DCTN1: variants seen among roughly 807,000 people sequenced by gnomAD.
DCTN1 encodes 150 kDa dynein-associated polypeptide.
In DCTN1, 61 loss-of-function variants were observed where a neutral mutation model predicts 161.2. The ratio of observed to expected loss-of-function variants is 0.38; its 90% CI spans 0.31 to 0.47. DCTN1 has a LOEUF of 0.47. Ranked by LOEUF, DCTN1 falls within the 20% of genes least tolerant of loss-of-function variation. The probability of loss-of-function intolerance (pLI) is 0.99; values close to 1 mark genes in which losing one functional copy is unlikely to be tolerated. For synonymous variants in DCTN1, 653 were observed against 632.4 expected, an observed-to-expected ratio of 1.03 and a Z score of -0.49; for missense variants, 1,404 against 1,623.7, an observed-to-expected ratio of 0.86 and a Z score of 2.33.
chr2:74,384,551 A>C (rs1051177767), upstream of DCTN1, among the ~76,000 whole-genome samples: 2 of 152,220 alleles, frequency 1.3e-5, no homozygotes, highest in Admixed American at 6.5e-5. Flanking sequence ...GATAAATAAT[A>C]ATCTCTGTGT....
chr2:74,365,733 T>C (rs555227230), intron 24 of DCTN1, 76 bp from the exon 25 acceptor site: 4 of 1,612,722 alleles, frequency 2.5e-6, no homozygotes, highest in African/African-American at 2.7e-5. Flanking sequence ...GACCATGAGA[T>C]AGTAGGTTCC....
rs759829174 is a variant in DCTN1, at chr2:74,369,611, G to C, written c.1393-120C>G. On this transcript the variant is annotated intron_variant, in intron 13 of 31. Coordinates refer to ENST00000628224, the MANE Select transcript of DCTN1 (RefSeq NM_004082.5). This position sits in a 1 kb window ranked among gnomAD's most constrained non-coding sequence, Gnocchi z 4.9. ...GCAGGCGGATCATGAGGTCGAGATC[G>C]AGATCATGCTGGCCAACATGGTGAA... is the stretch of plus-strand genomic sequence containing the variant. 9.6e-7 allele frequency: 1 copy of C among 1,036,574 alleles called. No homozygotes were observed. Among genetic ancestry groups the C allele is most frequent in the South Asian group, 1.3e-5 (1 of 78,816 alleles). 64.2% of individuals were successfully genotyped at this position (1,036,574 alleles called of 1,614,324 possible). A position where few individuals can be genotyped will look rare whatever the true frequency, so the allele number is the denominator to read the frequency against.
intron 3 of DCTN1, 87 bp downstream of exon 3, chr2:74,377,561 G>A: frequency 6.6e-7 from 1 of 1,523,618 alleles, no homozygotes; most frequent in Non-Finnish European, 9.1e-7. Context: ...AAAAATCTTA[G>A]GATCTACTGT....
At chr2:74,368,642 T>TTCA in intron 16 of DCTN1, 86 bp downstream of exon 16, 1 of 1,586,020 alleles carries the variant, frequency 6.3e-7, no homozygotes, top group Middle Eastern at 1.7e-4. Context: ...GGGCAGAGAC[T>TTCA]CTGTTGTCTT....
At position 74,369,024 on chromosome 2, in the gene DCTN1, C is replaced by G; in HGVS notation, c.1701+74G>C. On this transcript the variant is annotated intron_variant, in intron 15 of 31. Transcript: ENST00000628224. This position sits in a 1 kb window ranked among gnomAD's most constrained non-coding sequence, Gnocchi z 4.9. ...CCACCACACAAAGCACCCCTTCCCCCAGGAATCTGAAGCCCAGACCCCATA... is the reference window on the plus strand; with the variant it reads ...CCACCACACAAAGCACCCCTTCCCCGAGGAATCTGAAGCCCAGACCCCATA... 2 of 1,569,748 alleles carry G rather than the reference C, an allele frequency of 1.3e-6. No homozygotes were observed. The highest frequency in any genetic ancestry group is 1.7e-6 in the Non-Finnish European group (2 of 1,145,896).
chr2:74,382,418 G>A (rs1348376444), upstream of DCTN1, among the ~76,000 whole-genome samples: 2 of 151,836 alleles, frequency 1.3e-5, no homozygotes, highest in Non-Finnish European at 2.9e-5. Context: ...TGGCTGACAT[G>A]GTGAAACCCT....
At chr2:74,391,551 C>T in intron 1 of DCTN1, 1 of 328,108 alleles carries the variant, frequency 3.0e-6, no homozygotes, top group Non-Finnish European at 6.0e-6. Flanking sequence ...CCTTGCAGTT[C>T]TGGAGGAACT....
chr2:74,368,469 C>T, intron 16 of DCTN1: 1 of 631,954 alleles, frequency 1.6e-6, no homozygotes, highest in Non-Finnish European at 2.7e-6. Flanking sequence ...ACCTCCTGGC[C>T]CTCAGACAAT....
chr2:74,388,338 C>T (rs1422130790), intron 1 of DCTN1, among the ~76,000 whole-genome samples: 1 of 152,208 alleles, frequency 6.6e-6, no homozygotes, highest in East Asian at 1.9e-4. Context: ...TGAATAGCCA[C>T]TGCACTCCAG....
chr2:74,379,405 A>C (rs1009411677), intron 1 of DCTN1, among the ~76,000 whole-genome samples: 2 of 152,144 alleles, frequency 1.3e-5, no homozygotes, highest in Admixed American at 6.5e-5. Context: ...ATCACTGCCT[A>C]ATTCCCTTCC....
At chr2:74,361,825 G>A (rs1026382046) in intron 31 of DCTN1, among the ~76,000 whole-genome samples, 189 bp from the exon 32 acceptor site, 1 of 152,154 alleles carries the variant, frequency 6.6e-6, no homozygotes, top group Non-Finnish European at 1.5e-5. Context: ...GAGTTTTGAG[G>A]CCCTCCTGGT....
chr2:74,366,133 T>C, intron 23 of DCTN1, 111 bp downstream of exon 23: 1 of 1,610,336 alleles, frequency 6.2e-7, no homozygotes, highest in Non-Finnish European at 8.5e-7. Context: ...GGCAGGATGG[T>C]GCTCTCCAGA....
chr2:74,363,745 T>C lies in DCTN1; in HGVS notation c.3197-117A>G, dbSNP rs865841273. 8.3e-6 allele frequency: 11 copies of C among 1,330,468 alleles called. No individual in the cohort carries two copies. In the South Asian group the frequency reaches 9.9e-5, roughly 12 times the overall value. 82.4% of individuals were successfully genotyped at this position (1,330,468 alleles called of 1,614,324 possible). On this transcript the variant is annotated intron_variant, in intron 26 of 31. Coordinates refer to ENST00000628224, the MANE Select transcript of DCTN1 (RefSeq NM_004082.5). ...GACACAACCTGCAGGAAAACCCTTT[T>C]CCTAATCATCATACTTTCTCTAACA... is the stretch of plus-strand genomic sequence containing the variant.
intron 7 of DCTN1, chr2:74,372,153 A>G (rs953832008): frequency 8.9e-6 from 2 of 224,076 alleles, no homozygotes; most frequent in African/African-American, 4.6e-5. Flanking sequence ...CTCCAGGTCT[A>G]TGCCCTCCAC....
At chr2:74,377,582 T>C in intron 3 of DCTN1, 66 bp downstream of exon 3, 2 of 1,526,952 alleles carry the variant, frequency 1.3e-6, no homozygotes, top group East Asian at 2.2e-5. Context: ...GGCCCCATGT[T>C]ATGAGGAGAA....
intron 4 of DCTN1, 27 bp downstream of exon 4, chr2:74,377,405 C>G (rs750795083): frequency 2.5e-6 from 4 of 1,601,228 alleles, no homozygotes; most frequent in Non-Finnish European, 3.4e-6. Context: ...CTTTATTATT[C>G]CCCATTCCCA....
At position 74,363,400 on chromosome 2, in the gene DCTN1, G is replaced by A. The variant is rs1674167034; in HGVS notation, c.3239C>T (p.Ser1080Phe). The A allele has an allele frequency of 6.2e-7, 1 of 1,612,416 alleles. No individual in the cohort carries two copies. Among genetic ancestry groups the A allele is most frequent in the African/African-American group, 1.3e-5 (1 of 74,874 alleles). ...CTTCACCAGCCCTGGGCCTGGCACA[G>A]ACCCTGGAGCCTGCCCAGGGATGGC... ...RGAIPGQAPG[S>F]VPGPGLVKDS... Residue 1080 changes from serine (S) to phenylalanine (F), a missense_variant, in exon 28 of 32, where the codon TCT becomes TTT. By Grantham distance (155) the Ser-to-Phe change is radical (BLOSUM62 -2). Transcript: ENST00000628224.
rs565062477 is a variant in DCTN1 at position 74,375,143 on chromosome 2, A to G, written c.415-803T>C. ...GGCTTCAGCTCTGAGGAGCACACAC[A>G]GTGACTACGAAACCCTGCGGAACAC... On this transcript the variant is annotated intron_variant, in intron 5 of 31. Coordinates refer to ENST00000628224, the MANE Select transcript of DCTN1 (RefSeq NM_004082.5). Among the ~76,000 whole-genome samples, 97 of 152,330 alleles carry G rather than the reference A, an allele frequency of 6.4e-4. 1 individual carries two copies. Among genetic ancestry groups the G allele is most frequent in the African/African-American group, 2.3e-3 (94 of 41,570 alleles).
chr2:74,362,112 C>T lies in DCTN1; in HGVS notation c.3639G>A (p.Gln1213=). ...CAGTGGGTACTGTGGCTCCAGGGCG[C>T]TGAGATACTGTCTCCTTGAGGACCT... ...KDEVLKETVS[Q]RPGATVPTDF... is the part of the protein sequence containing the mutation. The change falls in exon 31 of 32, where the codon CAG becomes CAA. Residue 1213 remains glutamine (Q), a synonymous_variant. Coordinates refer to ENST00000628224, the MANE Select transcript of DCTN1 (RefSeq NM_004082.5). 1 of 1,613,812 alleles carries T rather than the reference C, an allele frequency of 6.2e-7. No homozygotes were observed. Among genetic ancestry groups the T allele is most frequent in the Non-Finnish European group, 8.5e-7 (1 of 1,179,856 alleles).
Sources: allele counts gnomAD v4.1 joint callset (sites outside exome capture counted in the v4.1 genomes callset), GRCh38; gene constraint gnomAD v4.1.1; non-coding constraint Gnocchi (gnomAD v3.1); transcripts MANE v1.5; gene names NCBI Gene and HGNC (gene_info 2026-07-23, HGNC 2026-07-21).